ITPKB: variants seen among roughly 807,000 people sequenced by gnomAD.
ITPKB encodes the protein IP3 3-kinase B.
Under a neutral mutation model 69.4 loss-of-function variants are expected in ITPKB, and 13 were observed. The ratio of observed to expected loss-of-function variants is 0.19; its 90% CI spans 0.12 to 0.30. ITPKB has a LOEUF of 0.30. Ranked by LOEUF, ITPKB falls within the 10% of genes least tolerant of loss-of-function variation. ITPKB has a pLI of 1.00. For missense variants in ITPKB, 1,240 were observed against 1,250.5 expected, an observed-to-expected ratio of 0.99 and a Z score of 0.13; for synonymous variants, 584 against 513.7, an observed-to-expected ratio of 1.14 and a Z score of -1.85.
At position 226,648,664 on chromosome 1, in the gene ITPKB, G is replaced by A. The variant is rs1669110860; in HGVS notation, c.2032+8C>T. ...CATGCTGGGAAAGTCTGGGAGAGCT[G>A]TGTCTACCTGCGTGTCCTGCCAGCT... On this transcript the variant is annotated splice_region_variant and intron_variant, in intron 3 of 7. Coordinates refer to ENST00000429204, the MANE Select transcript of ITPKB (RefSeq NM_002221.4). 1 of 1,567,870 alleles carries A rather than the reference G, an allele frequency of 6.4e-7. No individual in the cohort carries two copies. Among genetic ancestry groups the A allele is most frequent in the Non-Finnish European group, 8.8e-7 (1 of 1,137,770 alleles).
In ITPKB at chr1:226,736,387, G is replaced by A. The variant is rs535284459; in HGVS notation, c.1072C>T (p.Pro358Ser). The A allele has an allele frequency of 2.7e-5, 43 of 1,612,524 alleles. No individual in the cohort carries two copies. The African/African-American group carries it at 4.3e-4, about 16-fold the overall frequency. ...CCATCGCGGGGCCCGCCCCTTTCTG[G>A]GGCTGGGCTTGTCTCACTGCCCAGA... ...QFLGSETSPA[P>S]ERGGPRDGEP... Residue 358 changes from proline (P) to serine (S), a missense_variant, in exon 2 of 8, where the codon CCA becomes TCA. Pro to Ser is a moderately conservative substitution (Grantham distance 74, BLOSUM62 -1). Coordinates refer to ENST00000429204, the MANE Select transcript of ITPKB (RefSeq NM_002221.4).
At chr1:226,715,303 G>A (rs1329268935) in intron 2 of ITPKB, among the ~76,000 whole-genome samples, 1 of 152,224 alleles carries the variant, frequency 6.6e-6, no homozygotes, top group Non-Finnish European at 1.5e-5. Flanking sequence ...CTAGTTAGTC[G>A]CAGGTAGTAG....
At chr1:226,730,197 A>G (rs3768414) in intron 2 of ITPKB, among the ~76,000 whole-genome samples, 73,043 of 152,024 alleles carry the variant, frequency 0.48, 18,013 homozygotes, top group East Asian at 0.67. Flanking sequence ...CAGATGGACC[A>G]GACCCATGGG....
intron 2 of ITPKB, among the ~76,000 whole-genome samples, chr1:226,652,017 C>T (rs1481207971): frequency 4.6e-5 from 7 of 152,248 alleles, no homozygotes; most frequent in African/African-American, 1.4e-4. Flanking sequence ...GTGAGAATGC[C>T]ATGCACTTGC....
In ITPKB at chr1:226,647,292, C is replaced by A; in HGVS notation, c.2121G>T (p.Val707=). The A allele has an allele frequency of 6.2e-7, 1 of 1,614,216 alleles. No homozygotes were observed. The highest frequency in any genetic ancestry group is 8.5e-7 in the Non-Finnish European group (1 of 1,180,016). Residue 707 remains valine, a synonymous_variant, in exon 4 of 8, where the codon GTG becomes GTT. Coordinates refer to ENST00000429204, the MANE Select transcript of ITPKB (RefSeq NM_002221.4). ...GGTAGGCAGGTACGAAGGGCCTCAG[C>A]ACATCCACCATCAGCCGGTCCAGGC... The part of the protein sequence containing the change: ...QRCLDRLMVD[V]LRPFVPAYHG...
In ITPKB at chr1:226,735,592, G is replaced by A. The variant is rs375439829; in HGVS notation, c.1867C>T (p.Pro623Ser). 1.3e-6 allele frequency: 2 copies of A among 1,595,002 alleles called. No homozygotes were observed. The highest frequency in any genetic ancestry group is 1.1e-5 in the South Asian group (1 of 88,374). The change falls in exon 2 of 8, where the codon CCT becomes TCT. Residue 623 changes from proline (P) to serine (S), a missense_variant. Physicochemically the swap from Pro to Ser is moderately conservative, Grantham distance 74. Coordinates refer to ENST00000429204, the MANE Select transcript of ITPKB (RefSeq NM_002221.4). ...GAGTTGGGGTCCAGGGTGCGCTCAG[G>A]GTCACTGGAGATGTCCTCCTCTGAG... ...EDSEEDISSDPERTLDPNSAF... is the reference protein window; with the variant it reads ...EDSEEDISSDSERTLDPNSAF...
chr1:226,660,063 G>T (rs1353977230), intron 2 of ITPKB, among the ~76,000 whole-genome samples: 1 of 152,212 alleles, frequency 6.6e-6, no homozygotes, highest in Non-Finnish European at 1.5e-5. Flanking sequence ...GGAATTTCCT[G>T]TTTGGTCTGC....
intron 2 of ITPKB, among the ~76,000 whole-genome samples, chr1:226,719,319 A>G (rs950158257): frequency 5.9e-5 from 9 of 152,228 alleles, no homozygotes; most frequent in African/African-American, 7.2e-5. Flanking sequence ...AGCATAGCAG[A>G]GACTGAGGAA....
At chr1:226,681,366 G>A (rs1656089978) in intron 2 of ITPKB, among the ~76,000 whole-genome samples, 1 of 152,150 alleles carries the variant, frequency 6.6e-6, no homozygotes, top group Non-Finnish European at 1.5e-5. Context: ...GAGAAGGCAG[G>A]GAAAGCAATT....
Position 226,737,268 on chromosome 1 carries a change from A to C in ITPKB, c.191T>G (p.Leu64Arg). 6.4e-7 allele frequency: 1 copy of C among 1,553,400 alleles called. No homozygotes were observed. The highest frequency in any genetic ancestry group is 8.6e-7 in the Non-Finnish European group (1 of 1,156,904). Residue 64 changes from leucine to arginine, a missense_variant, in exon 2 of 8, where the codon CTG (leucine) becomes CGG (arginine). Around this residue, in one of 2 missense-constraint regions of ITPKB, gnomAD observed 992 missense variants for 853.8 expected, o/e 1.16. Transcript: ENST00000429204. ...GGGGCTCCGGGGCTCCTCGGGGGAC[A>C]GCGACTCGGCTGGGGGGAAGAGGAA... ...ASFLFPPAES[L>R]SPEEPRSPGG... is the part of the protein sequence containing the mutation.
chr1:226,693,149 C>T (rs1656398092), intron 2 of ITPKB, among the ~76,000 whole-genome samples: 1 of 152,250 alleles, frequency 6.6e-6, no homozygotes, highest in Admixed American at 6.5e-5. Context: ...TTCTGGTCAA[C>T]TTCGGTGAGC....
At chr1:226,643,997 G>A (rs1437013316) in intron 4 of ITPKB, among the ~76,000 whole-genome samples, 1 of 152,248 alleles carries the variant, frequency 6.6e-6, no homozygotes, top group Non-Finnish European at 1.5e-5. Context: ...TGTAGAAAAG[G>A]GGCAGCCAGG....
intron 2 of ITPKB, among the ~76,000 whole-genome samples, chr1:226,686,199 T>C (rs958013315): frequency 1.6e-4 from 25 of 152,094 alleles, no homozygotes; most frequent in African/African-American, 5.3e-4. Flanking sequence ...TGGGGGTGGA[T>C]GGGCAGGGGG....
chr1:226,705,930 T>C (rs1270684451), intron 2 of ITPKB, among the ~76,000 whole-genome samples: 1 of 152,154 alleles, frequency 6.6e-6, no homozygotes, highest in Non-Finnish European at 1.5e-5. Flanking sequence ...TCAGAAGGGA[T>C]TCCCCTCACA....
At position 226,737,111 on chromosome 1, in the gene ITPKB, G is replaced by A. The variant is rs771633414; in HGVS notation, c.348C>T (p.Ala116=). Residue 116 remains alanine (A), a synonymous_variant, in exon 2 of 8, where the codon GCC becomes GCT. Transcript: ENST00000429204. ...CCGGCCCTGGCGGGGAGAGGGTACC[G>A]GCTGCCACCACCTGCTGCCGGTCCC... ...LRGDRQQVVA[A]GTLSPPGPEE... 1.2e-6 allele frequency: 2 copies of A among 1,605,562 alleles called. No individual in the cohort carries two copies. The highest frequency in any genetic ancestry group is 1.1e-5 in the South Asian group (1 of 91,060).
Position 226,642,050 on chromosome 1 carries a change from G to T in ITPKB, c.2322C>A (p.Ile774=), listed in dbSNP as rs750503076. 3.1e-6 allele frequency: 5 copies of T among 1,614,166 alleles called. No homozygotes were observed. Among genetic ancestry groups the T allele is most frequent in the South Asian group, 1.1e-5 (1 of 91,088 alleles). ...CGGTGGGGGCCTCGGGGTCCACCTC[G>T]ATCATCTTCTGGTACATGTCCTTCC... ...SLRKDMYQKM[I]EVDPEAPTEE... is the part of the protein sequence containing the mutation. Residue 774 remains isoleucine, a synonymous_variant, in exon 5 of 8, where the codon ATC becomes ATA. Transcript: ENST00000429204. This position sits in a 1 kb window ranked among gnomAD's most constrained non-coding sequence, Gnocchi z 6.4.
intron 2 of ITPKB, among the ~76,000 whole-genome samples, chr1:226,721,532 A>G (rs1289273): frequency 0.62 from 93,419 of 151,232 alleles, 30,112 homozygotes; most frequent in East Asian, 0.79. Context: ...TTTCGCTCTT[A>G]TTGCACAGGC....
chr1:226,692,222 A>G (rs1656375077), intron 2 of ITPKB, among the ~76,000 whole-genome samples: 1 of 152,122 alleles, frequency 6.6e-6, no homozygotes, highest in African/African-American at 2.4e-5. Context: ...TTTCCATTAC[A>G]CTAGGCTGCC....
chr1:226,736,737 G>T lies in ITPKB; in HGVS notation c.722C>A (p.Ala241Asp). Reference sequence around the variant, plus strand: ...CTGAGCCTCTGATCCTGTAGGGGCAGCCCGGCCGGGAAGAGGTGGCATTCC... The same window carrying T: ...CTGAGCCTCTGATCCTGTAGGGGCATCCCGGCCGGGAAGAGGTGGCATTCC... ...KKGMPPLPGR[A>D]APTGSEAQGP... Residue 241 changes from alanine to aspartate, a missense_variant, in exon 2 of 8, where the codon GCT becomes GAT. This residue lies in a region of ITPKB where 992 missense variants were observed against 853.8 expected (regional missense o/e 1.16). Coordinates refer to ENST00000429204, the MANE Select transcript of ITPKB (RefSeq NM_002221.4). The T allele has an allele frequency of 6.2e-7, 1 of 1,612,790 alleles. No individual in the cohort carries two copies. Among genetic ancestry groups the T allele is most frequent in the Non-Finnish European group, 8.5e-7 (1 of 1,179,768 alleles).
Sources: gnomAD v4.1 joint callset for allele counts (sites outside exome capture counted in the v4.1 genomes callset) on GRCh38, gnomAD v4.1.1 for gene constraint, gnomAD v4.1.1 regional missense constraint, Gnocchi (gnomAD v3.1) non-coding constraint, MANE v1.5 for transcripts, NCBI Gene and HGNC (gene_info 2026-07-23, HGNC 2026-07-21) for gene names.